Variants in GRIN1 observed in about 807,000 individuals in gnomAD.
GRIN1 encodes the protein glutamate ionotropic receptor NMDA type subunit 1.
Under a neutral mutation model 103.0 loss-of-function variants are expected in GRIN1, and 38 were observed. The observed-to-expected ratio is 0.37, with a 90% CI of 0.28 to 0.48. The LOEUF (loss-of-function observed/expected upper bound fraction) is 0.48. GRIN1 is among the 20% of genes least tolerant of loss of function. GRIN1 has a pLI of 0.98. For missense variants in GRIN1, 577 were observed against 1,288.9 expected (o/e 0.45, Z 8.46); for synonymous variants, 544 against 532.7 (o/e 1.02, Z -0.29).
intron 4 of GRIN1, among the ~76,000 whole-genome samples, chr9:137,149,327 C>A (rs1167721854): frequency 6.6e-6 from 1 of 152,140 alleles, no homozygotes; most frequent in Non-Finnish European, 1.5e-5. Context: ...CTGGGCCCTT[C>A]CCCATTCCAC....
At chr9:137,157,996 G>A (rs557185563) in intron 6 of GRIN1, among the ~76,000 whole-genome samples, 107 of 152,360 alleles carry the variant, frequency 7.0e-4, no homozygotes, top group Non-Finnish European at 1.2e-3. Flanking sequence ...GTTAGAGCTG[G>A]CTCAACCTCG....
chr9:137,139,499 C>A lies in GRIN1; in HGVS notation c.13C>A (p.Arg5Ser), dbSNP rs755880462. 1.3e-6 allele frequency: 2 copies of A among 1,594,738 alleles called. No individual in the cohort carries two copies. The highest frequency in any genetic ancestry group is 1.7e-6 in the Non-Finnish European group (2 of 1,170,944). The change falls in exon 1 of 20, where the codon CGC (arginine) becomes AGC (serine). Residue 5 changes from arginine (R) to serine (S), a missense_variant. This residue lies in a region of GRIN1 where 308 missense variants were observed against 553.6 expected (regional missense o/e 0.56). Transcript: ENST00000371561. This position sits in a 1 kb window ranked among gnomAD's most constrained non-coding sequence, Gnocchi z 7.7. Reference sequence around the variant, plus strand: ...GCGGCCCGAGCCCATGAGCACCATGCGCCTGCTGACGCTCGCCCTGCTGTT... The same window carrying A: ...GCGGCCCGAGCCCATGAGCACCATGAGCCTGCTGACGCTCGCCCTGCTGTT... The part of the protein sequence containing the change: MSTM[R>S]LLTLALLFSC...
At chr9:137,140,831 G>A (rs771704501) in intron 1 of GRIN1, among the ~76,000 whole-genome samples, 10 of 152,226 alleles carry the variant, frequency 6.6e-5, no homozygotes, top group Non-Finnish European at 1.2e-4. Context: ...AGAGCTGGGG[G>A]AGGGAGAACC....
intron 3 of GRIN1, among the ~76,000 whole-genome samples, chr9:137,147,362 G>A (rs1469598549): frequency 6.6e-6 from 1 of 152,014 alleles, no homozygotes; most frequent in African/African-American, 2.4e-5. Context: ...CGCTCCTCAT[G>A]TGCATGCTCA....
intron 4 of GRIN1, among the ~76,000 whole-genome samples, chr9:137,152,823 C>A (rs1350351893): frequency 2.0e-5 from 3 of 151,894 alleles, no homozygotes; most frequent in African/African-American, 7.3e-5. Flanking sequence ...TGCACAAATG[C>A]ATGTATACAC....
intron 4 of GRIN1, among the ~76,000 whole-genome samples, chr9:137,151,421 C>G (rs896209101): frequency 6.7e-6 from 1 of 149,052 alleles, no homozygotes; most frequent in Non-Finnish European, 1.5e-5. Context: ...GAAAACTCCA[C>G]CCAGAAAAAA....
chr9:137,145,985 C>A, intron 3 of GRIN1, 83 bp downstream of exon 3: 1 of 1,008,950 alleles, frequency 9.9e-7, no homozygotes, highest in East Asian at 2.6e-5. Context: ...CCGTGTGTGA[C>A]ACCCTCTTCT....
rs767616231 is a variant in GRIN1, at chr9:137,167,429, G to A, written c.2719G>A (p.Gly907Ser). 1 of 1,559,532 alleles carries A rather than the reference G, an allele frequency of 6.4e-7. No homozygotes were observed. The highest frequency in any genetic ancestry group is 1.2e-5 in the South Asian group (1 of 84,782). ...TTTATAGAGCACCGGGGGTGGACGC[G>A]GCGCTTTGCAAAACCAAAAAGACAC... ...SKDTSTGGGR[G>S]ALQNQKDTVL... Residue 907 changes from glycine (G) to serine (S), a missense_variant, in exon 20 of 20, where the codon GGC (glycine) becomes AGC (serine). Physicochemically the swap from Gly to Ser is moderately conservative, Grantham distance 56. Transcript: ENST00000371561.
In GRIN1 at chr9:137,156,809, C is replaced by A. The variant is rs1564357503; in HGVS notation, c.793+19C>A. 6 of 1,599,118 alleles carry A rather than the reference C, an allele frequency of 3.8e-6. No homozygotes were observed. The Middle Eastern group carries it at 5.0e-4, about 132-fold the overall frequency. On this transcript the variant is annotated intron_variant, in intron 5 of 19. Transcript: ENST00000371561. The stretch of plus-strand genomic sequence containing the variant: ...CCAGACGGTGAGTGCTGGGCCTTGG[C>A]GGGGTCCCCGAACGGGGAGGACCCC...
At position 137,168,387 on chromosome 9, in the gene GRIN1, GCGCCTCCCGC is replaced by G. The variant is rs538854808; in HGVS notation, c.*867_*876del. On this transcript the variant is annotated 3_prime_UTR_variant, in exon 20 of 20. Transcript: ENST00000371561. ...GCCGTCCCTGACTTCCCAGCTGGCA[GCGCCTCCCGC>G]CGCCTCGGGCCGCCTCCTCCAGACT... The G allele has an allele frequency of 2.4e-3, 456 of 189,986 alleles. 6 individuals are homozygous for G. Among genetic ancestry groups the G allele is most frequent in the South Asian group, 0.02 (172 of 8,730 alleles). 11.8% of individuals were successfully genotyped at this position (189,986 alleles called of 1,614,324 possible). A position where few individuals can be genotyped will look rare whatever the true frequency, so the allele number is the denominator to read the frequency against.
At position 137,162,497 on chromosome 9, in the gene GRIN1, C is replaced by G; in HGVS notation, c.1845C>G (p.Leu615=). ...SAMWFSWGVL[L]NSGIGEGAPR... Reference sequence around the variant, plus strand: ...TGTGGTTCTCCTGGGGCGTCCTGCTCAACTCCGGCATCGGGGAAGGTAAGG... The same window carrying G: ...TGTGGTTCTCCTGGGGCGTCCTGCTGAACTCCGGCATCGGGGAAGGTAAGG... Residue 615 remains leucine (L), a synonymous_variant, in exon 13 of 20, where the codon CTC becomes CTG. Coordinates refer to ENST00000371561, the MANE Select transcript of GRIN1 (RefSeq NM_007327.4). The G allele has an allele frequency of 6.2e-7, 1 of 1,611,862 alleles. No homozygotes were observed. Among genetic ancestry groups the G allele is most frequent in the Non-Finnish European group, 8.5e-7 (1 of 1,179,688 alleles).
At chr9:137,161,511 G>T in intron 10 of GRIN1, 95 bp downstream of exon 10, 1 of 1,225,996 alleles carries the variant, frequency 8.2e-7, no homozygotes, top group Non-Finnish European at 1.2e-6. Context: ...CTTGCAGATG[G>T]TGGGGGGTCC....
In GRIN1 at chr9:137,167,753, C is replaced by A; in HGVS notation, c.*226C>A. 6.2e-7 allele frequency: 1 copy of A among 1,611,560 alleles called. No individual in the cohort carries two copies. The highest frequency in any genetic ancestry group is 1.1e-5 in the South Asian group (1 of 91,072). On this transcript the variant is annotated 3_prime_UTR_variant, in exon 20 of 20. Coordinates refer to ENST00000371561, the MANE Select transcript of GRIN1 (RefSeq NM_007327.4). ...AGCGTGGGGCTAACGGGCGCCTTGT[C>A]TGTGTATTTCTATTTTGCAGCAGTA...
chr9:137,145,688 G>C (rs201269024), intron 2 of GRIN1, 38 bp from the exon 3 acceptor site: 3 of 1,585,020 alleles, frequency 1.9e-6, no homozygotes, highest in Non-Finnish European at 2.6e-6. Context: ...GGGTCCCCGC[G>C]GGTCCACCTC....
In GRIN1 at chr9:137,146,661, C is replaced by T. The variant is rs1832551146; in HGVS notation, c.570+759C>T. Among the ~76,000 whole-genome samples the T allele has an allele frequency of 1.3e-5, 2 of 152,140 alleles. No individual in the cohort carries two copies. The highest frequency in any genetic ancestry group is 4.1e-4 in the South Asian group (2 of 4,830). ...TACCACTCCCATTTGCAGTCTGGGG[C>T]AGAGCTGGTTCTCGGCTACAGACCC... On this transcript the variant is annotated intron_variant, in intron 3 of 19. Coordinates refer to ENST00000371561, the MANE Select transcript of GRIN1 (RefSeq NM_007327.4). This position sits in a 1 kb window ranked among gnomAD's most constrained non-coding sequence, Gnocchi z 6.7.
At position 137,156,589 on chromosome 9, in the gene GRIN1, AGAG is replaced by A. The variant is rs571282407; in HGVS notation, c.672-71_672-69del. On this transcript the variant is annotated intron_variant, in intron 4 of 19. Transcript: ENST00000371561. ...TGGGGGCTGGGCAGGTCCCTGCTCCAGAGGAGGAGGACCTGGGCCTGCGGAGCG... is the reference window on the plus strand; with the variant it reads ...TGGGGGCTGGGCAGGTCCCTGCTCCAGAGGAGGACCTGGGCCTGCGGAGCG... 67 of 1,545,888 alleles carry A rather than the reference AGAG, an allele frequency of 4.3e-5. No homozygotes were observed. In the East Asian group the frequency reaches 1.1e-3, roughly 26 times the overall value.
chr9:137,162,547 C>T, intron 13 of GRIN1, 31 bp downstream of exon 13: 1 of 1,610,870 alleles, frequency 6.2e-7, no homozygotes. Flanking sequence ...CCTGGTCCCG[C>T]CTCGGCCCTC....
At chr9:137,143,529 GC>G (rs1564341920) in intron 2 of GRIN1, among the ~76,000 whole-genome samples, 1 of 152,140 alleles carries the variant, frequency 6.6e-6, no homozygotes, top group African/African-American at 2.4e-5. Flanking sequence ...CAAATGAAAG[GC>G]GGGGGAAACG....
chr9:137,147,429 G>A (rs768299793), intron 3 of GRIN1, among the ~76,000 whole-genome samples: 15 of 151,110 alleles, frequency 9.9e-5, no homozygotes, highest in Non-Finnish European at 2.1e-4. Flanking sequence ...CACGTGCACA[G>A]GCACACACAT....
Sources: allele counts gnomAD v4.1 joint callset (sites outside exome capture counted in the v4.1 genomes callset), GRCh38; gene constraint gnomAD v4.1.1; regional missense constraint gnomAD v4.1.1; non-coding constraint Gnocchi (gnomAD v3.1); transcripts MANE v1.5; gene names NCBI Gene and HGNC (gene_info 2026-07-23, HGNC 2026-07-21).